Variants in TNR observed in about 807,000 individuals in gnomAD.
TNR encodes the protein tenascin-R.
TNR carries 45 observed loss-of-function variants against 150.4 expected under a neutral mutation model. The observed-to-expected ratio is 0.30, with a 90% CI of 0.24 to 0.38. The LOEUF (loss-of-function observed/expected upper bound fraction) is 0.38, where lower values mean the gene tolerates loss of function less well. Ranked by LOEUF, TNR falls within the 10% of genes least tolerant of loss-of-function variation. The pLI is 1.00. For missense variants in TNR, 1,544 were observed against 1,759.1 expected, an observed-to-expected ratio of 0.88 and a Z score of 2.19; for synonymous variants, 687 against 678.4, an observed-to-expected ratio of 1.01 and a Z score of -0.20.
intron 5 of TNR, 144 bp downstream of exon 5, chr1:175,396,400 G>T: frequency 1.9e-6 from 2 of 1,051,258 alleles, no homozygotes; most frequent in South Asian, 1.8e-5. Context: ...TTCTAAATGG[G>T]TCACATCTCT....
chr1:175,606,938 A>G (rs138368882), intron 1 of TNR, among the ~76,000 whole-genome samples: 364 of 152,222 alleles, frequency 2.4e-3, no homozygotes, highest in African/African-American at 8.2e-3. Flanking sequence ...TTTGCCTGAA[A>G]TGTTGCCTTT....
chr1:175,605,497 A>G lies in TNR; in HGVS notation c.-164-77128T>C, dbSNP rs78230259. Among the ~76,000 whole-genome samples the G allele has an allele frequency of 6.6e-3, 1,009 of 152,366 alleles. 6 individuals carry two copies. The highest frequency in any genetic ancestry group is 0.023 in the African/African-American group (955 of 41,590). On this transcript the variant is annotated intron_variant, in intron 1 of 22. Transcript: ENST00000367674. ...GGCATACATCAAAGGTGAACAAAAA[A>G]GACAGTGACCTTGTCCTCATGAACA...
intron 1 of TNR, among the ~76,000 whole-genome samples, chr1:175,709,293 TCACACACACACACATA>T (rs1343289722): frequency 5.9e-5 from 8 of 135,238 alleles, no homozygotes; most frequent in East Asian, 2.3e-4. Context: ...TCCCTTGCTT[TCACACACACACACATA>T]CACACACACA....
At chr1:175,728,009 A>C (rs1046733619) in intron 1 of TNR, among the ~76,000 whole-genome samples, 1 of 152,246 alleles carries the variant, frequency 6.6e-6, no homozygotes, top group Admixed American at 6.5e-5. Context: ...GTTAAGTGAC[A>C]ACAGTCAGCA....
rs989110976 is a variant in TNR, at chr1:175,738,938, C to T, written c.-165+4288G>A. ...AAAATGAGGCAAAAGTGTATCTCTG[C>T]GCTTCTGCCGAATCATCTACTGGAA... On this transcript the variant is annotated intron_variant, in intron 1 of 22. Transcript: ENST00000367674. Among the ~76,000 whole-genome samples the T allele has an allele frequency of 3.9e-5, 6 of 152,302 alleles. 1 individual carries two copies. The highest frequency in any genetic ancestry group is 6.8e-3 in the Middle Eastern group (2 of 294).
intron 15 of TNR, among the ~76,000 whole-genome samples, chr1:175,358,955 A>G (rs1411383113): frequency 1.3e-5 from 2 of 152,068 alleles, no homozygotes; most frequent in African/African-American, 4.8e-5. Context: ...AATATTTAGA[A>G]AAGCCTGCTT....
At chr1:175,432,827 A>G (rs1486175885) in intron 2 of TNR, among the ~76,000 whole-genome samples, 1 of 152,092 alleles carries the variant, frequency 6.6e-6, no homozygotes, top group Non-Finnish European at 1.5e-5. Context: ...ACATAATGTT[A>G]TTTGGGGTCA....
At chr1:175,630,247 G>A (rs1430088371) in intron 1 of TNR, among the ~76,000 whole-genome samples, 1 of 152,218 alleles carries the variant, frequency 6.6e-6, no homozygotes, top group East Asian at 1.9e-4. Context: ...CTGCTTTAGA[G>A]AGAAGAGCCT....
intron 1 of TNR, among the ~76,000 whole-genome samples, chr1:175,685,393 T>C (rs1666158855): frequency 6.6e-6 from 1 of 152,172 alleles, no homozygotes; most frequent in Non-Finnish European, 1.5e-5. Flanking sequence ...CATTGCACAC[T>C]GCTGTCAGGC....
intron 2 of TNR, among the ~76,000 whole-genome samples, chr1:175,484,722 G>A (rs549264984): frequency 3.5e-4 from 54 of 152,262 alleles, no homozygotes; most frequent in African/African-American, 1.1e-3. Context: ...AATTGGTGAC[G>A]ATAATGGTAC....
At chr1:175,449,492 G>A (rs560370457) in intron 2 of TNR, among the ~76,000 whole-genome samples, 16 of 152,194 alleles carry the variant, frequency 1.1e-4, no homozygotes, top group African/African-American at 3.6e-4. Context: ...ATATTCAGTG[G>A]TTCTGCAGAC....
intron 11 of TNR, among the ~76,000 whole-genome samples, 156 bp from the exon 12 acceptor site, chr1:175,365,435 C>A (rs1651789371): frequency 6.6e-6 from 1 of 152,196 alleles, no homozygotes. Flanking sequence ...CCCTCCAGTG[C>A]TGTTCACTCC....
intron 2 of TNR, among the ~76,000 whole-genome samples, chr1:175,492,644 T>G (rs1658308389): frequency 6.6e-6 from 1 of 152,106 alleles, no homozygotes; most frequent in South Asian, 2.1e-4. Flanking sequence ...TAGTCAAAAC[T>G]ATATCTATGG....
Position 175,365,161 on chromosome 1 carries a change from A to T in TNR, c.2436T>A (p.Asp812Glu). Residue 812 changes from aspartate to glutamate, a missense_variant, in exon 12 of 23, where the codon GAT becomes GAA. This residue lies in a region of TNR where 1,254 missense variants were observed against 1,329.4 expected (regional missense o/e 0.94). Coordinates refer to ENST00000367674, the MANE Select transcript of TNR (RefSeq NM_003285.3). The stretch of plus-strand genomic sequence containing the variant: ...AGACCTCCATCATCTCTTCCTCCTC[A>T]TCCCTGGGGCTGTAGTTAAGAATGA... ...DRLILNYSPRDEEEEMMEVSL... is the reference protein window; with the variant it reads ...DRLILNYSPREEEEEMMEVSL... 6.2e-7 allele frequency: 1 copy of T among 1,613,920 alleles called. No individual in the cohort carries two copies. The highest frequency in any genetic ancestry group is 8.5e-7 in the Non-Finnish European group (1 of 1,179,938).
intron 2 of TNR, among the ~76,000 whole-genome samples, chr1:175,435,293 G>A (rs1418168798): frequency 6.6e-6 from 1 of 152,148 alleles, no homozygotes; most frequent in Non-Finnish European, 1.5e-5. Context: ...ACATTTTGAA[G>A]GAAGAATTAA....
intron 2 of TNR, among the ~76,000 whole-genome samples, chr1:175,487,796 G>A (rs1198571719): frequency 6.6e-6 from 1 of 152,152 alleles, no homozygotes; most frequent in Admixed American, 6.5e-5. Flanking sequence ...AAAAGGTAGT[G>A]CCTCTTGTTT....
At chr1:175,535,842 G>A (rs1042765686) in intron 1 of TNR, among the ~76,000 whole-genome samples, 4 of 152,042 alleles carry the variant, frequency 2.6e-5, no homozygotes, top group Non-Finnish European at 5.9e-5. Flanking sequence ...GAACTTATAC[G>A]GAAAAAACTG....
chr1:175,457,154 C>T (rs139471001), intron 2 of TNR, among the ~76,000 whole-genome samples: 213 of 152,282 alleles, frequency 1.4e-3, no homozygotes, highest in Admixed American at 2.6e-3. Flanking sequence ...CCTGTCTGTG[C>T]GATCAGAGTT....
intron 2 of TNR, among the ~76,000 whole-genome samples, chr1:175,483,592 T>G (rs1657891888): frequency 1.3e-5 from 2 of 152,156 alleles, no homozygotes; most frequent in Non-Finnish European, 2.9e-5. Flanking sequence ...GAGTTTGCAA[T>G]TGATCCTGAA....
Sources: allele counts gnomAD v4.1 joint callset (sites outside exome capture counted in the v4.1 genomes callset), GRCh38; gene constraint gnomAD v4.1.1; regional missense constraint gnomAD v4.1.1; transcripts MANE v1.5; gene names NCBI Gene and HGNC (gene_info 2026-07-23, HGNC 2026-07-21).